TFPI: variants seen among roughly 807,000 people sequenced by gnomAD.
TFPI encodes anti-convertin.
In TFPI, 15 loss-of-function variants were observed where a neutral mutation model predicts 34.6. The ratio of observed to expected loss-of-function variants is 0.43; its 90% CI spans 0.29 to 0.67. TFPI has a LOEUF of 0.67. Among genes scored for constraint, TFPI ranks in the 30% least tolerant of loss-of-function variants. The probability of loss-of-function intolerance (pLI) is 0.15; values close to 1 mark genes in which losing one functional copy is unlikely to be tolerated. For synonymous variants in TFPI, 105 were observed against 120.1 expected (o/e 0.87, Z 0.82); for missense variants, 301 against 364.0 (o/e 0.83, Z 1.41).
intron 2 of TFPI, among the ~76,000 whole-genome samples, chr2:187,502,050 A>G (rs8176421): frequency 1.6e-3 from 240 of 152,250 alleles, no homozygotes; most frequent in African/African-American, 5.7e-3. Flanking sequence ...ATTTTTTCAG[A>G]TGTGAGATAA....
chr2:187,504,343 A>G (rs1393077410), intron 1 of TFPI, among the ~76,000 whole-genome samples: 2 of 152,092 alleles, frequency 1.3e-5, no homozygotes, highest in Non-Finnish European at 2.9e-5. Context: ...GTGAGATAGC[A>G]GACAGCCAAA....
At chr2:187,493,204 C>T (rs866814735) in intron 3 of TFPI, among the ~76,000 whole-genome samples, 30 of 152,176 alleles carry the variant, frequency 2.0e-4, no homozygotes, top group African/African-American at 6.8e-4. Context: ...CAATTCTTGA[C>T]TTCGGTATAC....
chr2:187,476,139 A>G (rs1692356213), intron 6 of TFPI, among the ~76,000 whole-genome samples: 1 of 152,286 alleles, frequency 6.6e-6, no homozygotes, highest in Non-Finnish European at 1.5e-5. Flanking sequence ...CAACCACACC[A>G]AAGTTCCAGT....
rs1431887508 is a variant in TFPI at position 187,548,996 on chromosome 2, T to C, written c.-3+5204A>G. On this transcript the variant is annotated intron_variant, in intron 1 of 7. Transcript: ENST00000233156. ...GCCCAGATATCTCTTTAAAAATGCT[T>C]AATTTTTTTGAAAACTCACATCAGC... 2.0e-5 allele frequency among the ~76,000 whole-genome samples: 3 copies of C among 152,138 alleles called. No homozygotes were observed. The East Asian group carries it at 5.8e-4, about 29-fold the overall frequency.
chr2:187,519,636 TGAG>T (rs924338310), intron 1 of TFPI: 1 of 152,386 alleles, frequency 6.6e-6, no homozygotes, highest in Non-Finnish European at 1.5e-5. Context: ...GGGATCCACT[TGAG>T]GAGGCAGTCT....
intron 3 of TFPI, among the ~76,000 whole-genome samples, chr2:187,493,681 T>A (rs2106066167): frequency 6.6e-6 from 1 of 152,318 alleles, no homozygotes; most frequent in East Asian, 1.9e-4. Context: ...AAATTTATTC[T>A]GTCAATTACT....
intron 1 of TFPI, among the ~76,000 whole-genome samples, chr2:187,534,260 A>G (rs1194051551): frequency 6.6e-6 from 1 of 152,188 alleles, no homozygotes; most frequent in Non-Finnish European, 1.5e-5. Context: ...CCAAAAACAC[A>G]TAATCATCAG....
chr2:187,531,573 C>G (rs1354577061), intron 1 of TFPI, among the ~76,000 whole-genome samples: 1 of 151,976 alleles, frequency 6.6e-6, no homozygotes, highest in African/African-American at 2.4e-5. Flanking sequence ...GCATATTCCT[C>G]TTTTGATATG....
intron 2 of TFPI, among the ~76,000 whole-genome samples, chr2:187,503,386 T>A (rs1161302371): frequency 6.6e-6 from 1 of 151,832 alleles, no homozygotes; most frequent in Non-Finnish European, 1.5e-5. Flanking sequence ...TTTAATATTG[T>A]ATGCTGAAAA....
chr2:187,520,271 T>A (rs1325229445), intron 1 of TFPI, among the ~76,000 whole-genome samples: 1 of 152,006 alleles, frequency 6.6e-6, no homozygotes, highest in Non-Finnish European at 1.5e-5. Flanking sequence ...AGGGCCCTGG[T>A]GGGGTAGGCA....
chr2:187,499,560 G>T (rs2106099802), intron 2 of TFPI: 1 of 150,918 alleles, frequency 6.6e-6, no homozygotes, highest in South Asian at 2.1e-4. Flanking sequence ...CAGAAAATTT[G>T]GTGTGAAGAC....
chr2:187,492,519 G>A (rs1685184946), intron 3 of TFPI, among the ~76,000 whole-genome samples: 1 of 152,120 alleles, frequency 6.6e-6, no homozygotes, highest in Non-Finnish European at 1.5e-5. Context: ...AAGAACAGTT[G>A]GCTGTAAATA....
At chr2:187,504,815 T>G (rs556959453) in intron 1 of TFPI, among the ~76,000 whole-genome samples, 1 of 152,184 alleles carries the variant, frequency 6.6e-6, no homozygotes, top group African/African-American at 2.4e-5. Context: ...ATCTAGAGAA[T>G]TATCTGGTTT....
intron 1 of TFPI, among the ~76,000 whole-genome samples, chr2:187,512,736 A>G (rs1402114587): frequency 1.3e-5 from 2 of 152,112 alleles, no homozygotes; most frequent in African/African-American, 4.8e-5. Context: ...ACTTTGGAAA[A>G]GAATGGTTAT....
chr2:187,476,894 T>C (rs1431698351), intron 6 of TFPI, among the ~76,000 whole-genome samples: 2 of 152,194 alleles, frequency 1.3e-5, no homozygotes, highest in African/African-American at 4.8e-5. Flanking sequence ...AGTATTAACT[T>C]GTAAACAATT....
intron 1 of TFPI, among the ~76,000 whole-genome samples, chr2:187,536,070 C>T (rs578193853): frequency 8.5e-5 from 13 of 152,242 alleles, no homozygotes; most frequent in Admixed American, 5.9e-4. Context: ...ATAACAAGTC[C>T]TGAAATTGAG....
At chr2:187,532,892 G>C (rs1688043099) in intron 1 of TFPI, among the ~76,000 whole-genome samples, 1 of 152,174 alleles carries the variant, frequency 6.6e-6, no homozygotes, top group Admixed American at 6.5e-5. Flanking sequence ...AGCTTTGTCA[G>C]GGGAGGGGCA....
rs905154729 is a variant in TFPI, at chr2:187,519,404, T to G, written c.-2-15634A>C. 19 of 153,042 alleles carry G rather than the reference T, an allele frequency of 1.2e-4. 1 individual carries two copies. Among genetic ancestry groups the G allele is most frequent in the Admixed American group, 1.2e-3 (18 of 15,294 alleles). The allele number at this position is 153,042 out of a possible 1,614,324, so 9.5% of individuals were successfully genotyped here. A position where few individuals can be genotyped will look rare whatever the true frequency, so the allele number is the denominator to read the frequency against. ...CCTTCTGAAAGTCAGGCTCCTCTGC[T>G]GCAGTGCAGGTCTGCTGGAGTTTGC... On this transcript the variant is annotated intron_variant, in intron 1 of 7. Coordinates refer to ENST00000233156, the MANE Select transcript of TFPI (RefSeq NM_006287.6).
At chr2:187,513,733 A>T (rs1686805762) in intron 1 of TFPI, 1 of 152,618 alleles carries the variant, frequency 6.6e-6, no homozygotes, top group African/African-American at 2.4e-5. Flanking sequence ...CCCAGGGGAA[A>T]ACCCTACCAA....
Sources: allele counts gnomAD v4.1 joint callset (sites outside exome capture counted in the v4.1 genomes callset), GRCh38; gene constraint gnomAD v4.1.1; transcripts MANE v1.5; gene names NCBI Gene and HGNC (gene_info 2026-07-23, HGNC 2026-07-21).